Variants in CACNA1B observed in about 807,000 individuals in gnomAD.
The protein encoded by CACNA1B is calcium voltage-gated channel subunit alpha1 B.
CACNA1B carries 70 observed loss-of-function variants against 247.2 expected under a neutral mutation model. That is an observed-to-expected ratio of 0.28 (90% CI 0.23 to 0.35). The LOEUF (loss-of-function observed/expected upper bound fraction) is 0.35, where lower values mean the gene tolerates loss of function less well. Among genes scored for constraint, CACNA1B ranks in the 10% least tolerant of loss-of-function variants. The pLI, the probability that CACNA1B is intolerant of heterozygous loss-of-function variation, is 1.00. For missense variants in CACNA1B, 2,367 were observed against 3,197.4 expected (o/e 0.74, Z 6.26); for synonymous variants, 1,231 against 1,294.4 (o/e 0.95, Z 1.05).
At chr9:138,113,426 T>C (rs1242736580) in intron 40 of CACNA1B, among the ~76,000 whole-genome samples, 1 of 87,550 alleles carries the variant, frequency 1.1e-5, no homozygotes, top group African/African-American at 4.5e-5. Flanking sequence ...GGGAACACAA[T>C]GAGGTGCCCA....
intron 3 of CACNA1B, among the ~76,000 whole-genome samples, chr9:137,911,079 C>T (rs533317146): frequency 5.3e-5 from 8 of 152,154 alleles, no homozygotes; most frequent in African/African-American, 1.9e-4. Context: ...AGGTAAGGGT[C>T]CAACTTTATT....
At chr9:137,878,876 G>T (rs1032608864) in intron 1 of CACNA1B, among the ~76,000 whole-genome samples, 178 bp from the exon 2 acceptor site, 1 of 152,184 alleles carries the variant, frequency 6.6e-6, no homozygotes, top group Non-Finnish European at 1.5e-5. Flanking sequence ...CCGCCCCTAG[G>T]GATGGGGGCA....
In CACNA1B at chr9:137,971,121, G is replaced by A. The variant is rs754324012; in HGVS notation, c.1334-262G>A. ...GGCTGTGCTCCTAGAAGGTGGCTGG[G>A]GATGCTGGGGACCAGAGAAGTGAGT... On this transcript the variant is annotated intron_variant, in intron 10 of 46. Coordinates refer to ENST00000371372, the MANE Select transcript of CACNA1B (RefSeq NM_000718.4). This position sits in a 1 kb window ranked among gnomAD's most constrained non-coding sequence, Gnocchi z 4.4. Among the ~76,000 whole-genome samples, 10 of 152,158 alleles carry A rather than the reference G, an allele frequency of 6.6e-5. No homozygotes were observed. The highest frequency in any genetic ancestry group is 1.2e-4 in the Non-Finnish European group (8 of 68,024).
chr9:138,065,501 G>A (rs1238090491), intron 31 of CACNA1B, among the ~76,000 whole-genome samples: 1 of 152,186 alleles, frequency 6.6e-6, no homozygotes, highest in Non-Finnish European at 1.5e-5. Flanking sequence ...CAGTCCCGGG[G>A]CATCTGAGAG....
Position 138,073,368 on chromosome 9 carries a change from A to T in CACNA1B, c.4675-120A>T. On this transcript the variant is annotated intron_variant, in intron 32 of 46. Coordinates refer to ENST00000371372, the MANE Select transcript of CACNA1B (RefSeq NM_000718.4). This position sits in a 1 kb window ranked among gnomAD's most constrained non-coding sequence, Gnocchi z 6.4. ...TGTGAAGCAGAGACCTTTGATTTTA[A>T]TCTTTTTAACCACTTTTCTTTGGGG... 1.5e-6 allele frequency: 1 copy of T among 651,660 alleles called. No individual in the cohort carries two copies. The highest frequency in any genetic ancestry group is 1.9e-5 in the South Asian group (1 of 52,886). The allele number at this position is 651,660 out of a possible 1,614,324, so 40.4% of individuals were successfully genotyped here. A position where few individuals can be genotyped will look rare whatever the true frequency, so the allele number is the denominator to read the frequency against.
intron 6 of CACNA1B, among the ~76,000 whole-genome samples, chr9:137,931,474 T>G (rs911473205): frequency 6.6e-6 from 1 of 151,948 alleles, no homozygotes; most frequent in Non-Finnish European, 1.5e-5. Flanking sequence ...TGTGGAGAGG[T>G]GGAGTTTTCC....
intron 6 of CACNA1B, among the ~76,000 whole-genome samples, chr9:137,925,578 C>T (rs888360177): frequency 6.6e-6 from 1 of 152,148 alleles, no homozygotes; most frequent in African/African-American, 2.4e-5. Context: ...ATCATTCAAC[C>T]TTACCAACTC....
At chr9:137,929,608 G>T (rs898501528) in intron 6 of CACNA1B, among the ~76,000 whole-genome samples, 3 of 152,110 alleles carry the variant, frequency 2.0e-5, no homozygotes, top group Non-Finnish European at 4.4e-5. Flanking sequence ...ATCTTAGTGG[G>T]CATGAAGTGG....
intron 20 of CACNA1B, among the ~76,000 whole-genome samples, chr9:138,027,671 T>G (rs545987494): frequency 2.0e-5 from 3 of 152,220 alleles, no homozygotes; most frequent in Middle Eastern, 3.2e-3. Context: ...ATGTTGAATT[T>G]TCTTGAAGAC....
intron 13 of CACNA1B, 88 bp downstream of exon 13, chr9:137,984,338 C>A: frequency 2.2e-6 from 2 of 891,454 alleles, no homozygotes; most frequent in Admixed American, 2.0e-5. Flanking sequence ...CCCAGGAGTT[C>A]ACAGCACCCA....
At chr9:138,005,527 G>A (rs1490394038) in intron 15 of CACNA1B, among the ~76,000 whole-genome samples, 3 of 152,184 alleles carry the variant, frequency 2.0e-5, no homozygotes, top group African/African-American at 2.4e-5. Flanking sequence ...GAAGGAGCGA[G>A]TTCCTAGTGT....
intron 3 of CACNA1B, among the ~76,000 whole-genome samples, chr9:137,887,112 C>G (rs1455955081): frequency 6.6e-6 from 1 of 151,800 alleles, no homozygotes; most frequent in Non-Finnish European, 1.5e-5. Context: ...GGCGGAGCAG[C>G]GGAGGTGTGC....
intron 15 of CACNA1B, among the ~76,000 whole-genome samples, chr9:138,001,580 G>A (rs773988439): frequency 3.5e-4 from 53 of 151,666 alleles, no homozygotes; most frequent in South Asian, 4.2e-4. Flanking sequence ...AGCTAATGTC[G>A]TAAGAAAAAA....
intron 18 of CACNA1B, among the ~76,000 whole-genome samples, chr9:138,017,601 TGG>T (rs1185775589): frequency 6.6e-6 from 1 of 152,214 alleles, no homozygotes; most frequent in African/African-American, 2.4e-5. Flanking sequence ...AGGGGCTCAC[TGG>T]GGACGTTTAT....
chr9:138,052,241 T>TGCGTGTGC lies in CACNA1B; in HGVS notation c.3807+54_3807+55insCGTGTGCG, dbSNP rs1554752977. 8 of 843,598 alleles carry TGCGTGTGC rather than the reference T, an allele frequency of 9.5e-6. No individual in the cohort carries two copies. The African/African-American group carries it at 1.1e-4, about 12-fold the overall frequency. 52.3% of individuals were successfully genotyped at this position (843,598 alleles called of 1,614,324 possible). On this transcript the variant is annotated intron_variant, in intron 25 of 46. Transcript: ENST00000371372. The surrounding 1 kb of genome is among the most constrained non-coding windows in gnomAD (Gnocchi z 5.1). The stretch of plus-strand genomic sequence containing the variant: ...GATGTGCTGTGTGTGTGTGCGTGTG[T>TGCGTGTGC]GTGTGTGCGTGTGTGTGTGTGTATG...
At chr9:137,947,681 AT>A (rs1192547539) in intron 6 of CACNA1B, among the ~76,000 whole-genome samples, 1 of 151,220 alleles carries the variant, frequency 6.6e-6, no homozygotes, top group Non-Finnish European at 1.5e-5. Flanking sequence ...GAATGTCTTG[AT>A]TTCCCAAAGG....
rs534915422 is a variant in CACNA1B, at chr9:137,900,695, T to A, written c.531-12485T>A. 2.7e-5 allele frequency among the ~76,000 whole-genome samples: 4 copies of A among 150,458 alleles called. No individual in the cohort carries two copies. The South Asian group carries it at 8.5e-4, about 32-fold the overall frequency. On this transcript the variant is annotated intron_variant, in intron 3 of 46. Coordinates refer to ENST00000371372, the MANE Select transcript of CACNA1B (RefSeq NM_000718.4). ...GTGTATGTGTGTCTCTGTGTTCGTGTCTGTGCTGTGTGTCCCTGTGTCTGT... is the reference window on the plus strand; with the variant it reads ...GTGTATGTGTGTCTCTGTGTTCGTGACTGTGCTGTGTGTCCCTGTGTCTGT...
At chr9:138,099,789 T>C (rs575776418) in intron 37 of CACNA1B, among the ~76,000 whole-genome samples, 5 of 152,368 alleles carry the variant, frequency 3.3e-5, no homozygotes, top group East Asian at 1.9e-4. Context: ...CTGTTCACCC[T>C]GGTGCTGCTT....
Position 138,023,533 on chromosome 9 carries a change from G to A in CACNA1B, c.2790G>A (p.Arg930=). 5.6e-6 allele frequency: 6 copies of A among 1,080,064 alleles called. No individual in the cohort carries two copies. The highest frequency in any genetic ancestry group is 6.7e-6 in the Non-Finnish European group (6 of 889,860). 66.9% of individuals were successfully genotyped at this position (1,080,064 alleles called of 1,614,324 possible). A position where few individuals can be genotyped will look rare whatever the true frequency, so the allele number is the denominator to read the frequency against. ...RRGSPEEAAE[R]EPRRHRAHRH... is the part of the protein sequence containing the mutation. ...GCTCCCCGGAGGAGGCGGCCGAGCG[G>A]GAGCCCCGACGCCACCGCGCGCACC... Residue 930 remains arginine (R), a synonymous_variant, in exon 19 of 47, where the codon CGG becomes CGA. Coordinates refer to ENST00000371372, the MANE Select transcript of CACNA1B (RefSeq NM_000718.4).
Sources: gnomAD v4.1 joint callset for allele counts (sites outside exome capture counted in the v4.1 genomes callset) on GRCh38, gnomAD v4.1.1 for gene constraint, Gnocchi (gnomAD v3.1) non-coding constraint, MANE v1.5 for transcripts, NCBI Gene and HGNC (gene_info 2026-07-23, HGNC 2026-07-21) for gene names.